The following PGGT1B variants were observed in gnomAD, a reference collection of about 807,000 sequenced individuals.
PGGT1B encodes the protein geranylgeranyl transferase type-1 subunit beta.
PGGT1B carries 30 observed loss-of-function variants against 46.1 expected under a neutral mutation model. The ratio of observed to expected loss-of-function variants is 0.65; its 90% CI spans 0.49 to 0.88. PGGT1B has a LOEUF of 0.88. Ranked by LOEUF, PGGT1B falls within the 40% of genes least tolerant of loss-of-function variation. The pLI is 0.00. For synonymous variants in PGGT1B, 170 were observed against 160.0 expected (o/e 1.06, Z -0.47); for missense variants, 376 against 455.9 (o/e 0.82, Z 1.60).
At chr5:115,218,543 G>A (rs1580745581) in intron 7 of PGGT1B, among the ~76,000 whole-genome samples, 1 of 146,940 alleles carries the variant, frequency 6.8e-6, no homozygotes, top group Admixed American at 6.8e-5. Context: ...TTATTGGAAA[G>A]GCTGAGGGGA....
intron 8 of PGGT1B, among the ~76,000 whole-genome samples, chr5:115,213,257 G>T (rs1245684074): frequency 6.6e-6 from 1 of 152,160 alleles, no homozygotes; most frequent in African/African-American, 2.4e-5. Flanking sequence ...TGACAATTCT[G>T]CACTGGCTCA....
At chr5:115,252,045 T>C (rs1390088345) in intron 2 of PGGT1B, among the ~76,000 whole-genome samples, 1 of 152,110 alleles carries the variant, frequency 6.6e-6, no homozygotes, top group Non-Finnish European at 1.5e-5. Flanking sequence ...TTGCAACTTA[T>C]CACAGCTCTT....
chr5:115,252,899 T>C (rs1465645320), intron 2 of PGGT1B: 4 of 446,348 alleles, frequency 9.0e-6, no homozygotes, highest in Admixed American at 4.4e-5. Flanking sequence ...CAACATAGTA[T>C]GGTGCCACAA....
intron 2 of PGGT1B, among the ~76,000 whole-genome samples, chr5:115,252,545 C>T (rs1247827584): frequency 6.6e-6 from 1 of 151,684 alleles, no homozygotes; most frequent in African/African-American, 2.4e-5. Flanking sequence ...ATATTTTATA[C>T]TTAATAGAGT....
intron 1 of PGGT1B, 116 bp downstream of exon 1, chr5:115,262,596 C>T: frequency 8.4e-7 from 1 of 1,196,590 alleles, no homozygotes; most frequent in Non-Finnish European, 1.2e-6. Context: ...CCAGTCAGTG[C>T]CAACTGGGCG....
chr5:115,216,657 C>T (rs534026203), intron 8 of PGGT1B, among the ~76,000 whole-genome samples: 2 of 152,248 alleles, frequency 1.3e-5, no homozygotes, highest in African/African-American at 4.8e-5. Context: ...GCACACTATT[C>T]CCATGCATCT....
chr5:115,242,165 G>C (rs1267516773), intron 2 of PGGT1B, among the ~76,000 whole-genome samples: 6 of 152,142 alleles, frequency 3.9e-5, no homozygotes, highest in Admixed American at 3.3e-4. Flanking sequence ...TGGCTTTGAA[G>C]TATGTAGAAC....
intron 2 of PGGT1B, among the ~76,000 whole-genome samples, chr5:115,245,397 TAGG>T (rs948366856): frequency 4.6e-5 from 7 of 152,234 alleles, no homozygotes; most frequent in Non-Finnish European, 1.0e-4. Flanking sequence ...CATATAAGGT[TAGG>T]AGATTATGGC....
intron 3 of PGGT1B, among the ~76,000 whole-genome samples, chr5:115,240,341 A>C (rs1166354139): frequency 6.6e-6 from 1 of 152,166 alleles, no homozygotes; most frequent in Non-Finnish European, 1.5e-5. Context: ...TTATTAAAGC[A>C]CTGTAACAAA....
chr5:115,244,544 T>TA (rs970776890), intron 2 of PGGT1B, among the ~76,000 whole-genome samples: 34 of 146,772 alleles, frequency 2.3e-4, no homozygotes, highest in Middle Eastern at 3.5e-3. Flanking sequence ...ATGCTATACT[T>TA]AAAAAAAAAA....
intron 7 of PGGT1B, among the ~76,000 whole-genome samples, chr5:115,219,552 G>C (rs1222526487): frequency 6.6e-6 from 1 of 151,738 alleles, no homozygotes; most frequent in African/African-American, 2.4e-5. Flanking sequence ...TAATTTTATG[G>C]ACATGACACC....
intron 2 of PGGT1B, among the ~76,000 whole-genome samples, chr5:115,244,812 A>C (rs1341763537): frequency 2.0e-5 from 3 of 151,900 alleles, no homozygotes; most frequent in African/African-American, 4.8e-5. Context: ...GCTGGTCTCG[A>C]ATTCCTGACC....
At position 115,206,763 on chromosome 5, in the gene PGGT1B, G is replaced by C. The variant is rs1049715087; in HGVS notation, c.*5639C>G. ...TTTATGCTAAATCTATAGATAGAGAGTATCTGGGCCAAAAAGTGTGCACAC... is the reference window on the plus strand; with the variant it reads ...TTTATGCTAAATCTATAGATAGAGACTATCTGGGCCAAAAAGTGTGCACAC... On this transcript the variant is annotated 3_prime_UTR_variant, in exon 9 of 9. Transcript: ENST00000419445. The C allele has an allele frequency of 2.0e-5, 3 of 151,860 alleles. No individual in the cohort carries two copies. Among genetic ancestry groups the C allele is most frequent in the African/African-American group, 7.3e-5 (3 of 41,318 alleles). 9.4% of individuals were successfully genotyped at this position (151,860 alleles called of 1,614,324 possible).
chr5:115,208,340 T>A lies in PGGT1B; in HGVS notation c.*4062A>T, dbSNP rs1205721733. On this transcript the variant is annotated 3_prime_UTR_variant, in exon 9 of 9. Transcript: ENST00000419445. The stretch of plus-strand genomic sequence containing the variant: ...TAAGCAAGAATGGGATTATTTAATC[T>A]TAAAAGGTTTGGTAGAAATCCCCTT... 6.6e-6 allele frequency: 1 copy of A among 152,006 alleles called. No individual in the cohort carries two copies. The highest frequency in any genetic ancestry group is 1.5e-5 in the Non-Finnish European group (1 of 67,928). 9.4% of individuals were successfully genotyped at this position (152,006 alleles called of 1,614,324 possible).
At chr5:115,230,921 ATGT>A in intron 6 of PGGT1B, 52 bp downstream of exon 6, 1 of 1,037,912 alleles carries the variant, frequency 9.6e-7, no homozygotes, top group Non-Finnish European at 1.5e-6. Context: ...AGACACCAAG[ATGT>A]TGTCTAAGGG....
chr5:115,256,510 G>A (rs1028905980), intron 1 of PGGT1B, among the ~76,000 whole-genome samples: 2 of 152,294 alleles, frequency 1.3e-5, no homozygotes, highest in East Asian at 3.9e-4. Context: ...GACTTAGGGT[G>A]AGACCATAAG....
At chr5:115,240,394 C>G (rs1235244724) in intron 3 of PGGT1B, among the ~76,000 whole-genome samples, 3 of 152,092 alleles carry the variant, frequency 2.0e-5, no homozygotes, top group Admixed American at 1.3e-4. Flanking sequence ...ATATAACGGT[C>G]ATCATAACTA....
intron 7 of PGGT1B, among the ~76,000 whole-genome samples, chr5:115,221,058 G>A (rs533232419): frequency 6.6e-6 from 1 of 152,046 alleles, no homozygotes; most frequent in Non-Finnish European, 1.5e-5. Context: ...TACAAGTGAG[G>A]AGAGACAGGG....
intron 2 of PGGT1B, among the ~76,000 whole-genome samples, chr5:115,249,146 C>A (rs1384018125): frequency 1.3e-5 from 2 of 151,720 alleles, no homozygotes; most frequent in Non-Finnish European, 2.9e-5. Context: ...TTCCCATCTA[C>A]TTCCCCCTCC....
Sources: gnomAD v4.1 joint callset for allele counts (sites outside exome capture counted in the v4.1 genomes callset) on GRCh38, gnomAD v4.1.1 for gene constraint, MANE v1.5 for transcripts, NCBI Gene and HGNC (gene_info 2026-07-23, HGNC 2026-07-21) for gene names.